The following RNF217 variants were observed in gnomAD, a reference collection of about 807,000 sequenced individuals.
RNF217 encodes the protein ring finger protein 217.
A neutral mutation model predicts 57.8 loss-of-function variants in RNF217; 31 were observed. That is an observed-to-expected ratio of 0.54 (90% CI 0.40 to 0.72). The LOEUF (loss-of-function observed/expected upper bound fraction) is 0.72, where lower values mean the gene tolerates loss of function less well. Ranked by LOEUF, RNF217 falls within the 30% of genes least tolerant of loss-of-function variation. RNF217 has a pLI of 0.00. For synonymous variants in RNF217, 313 were observed against 294.0 expected (o/e 1.06, Z -0.66); for missense variants, 696 against 708.3 (o/e 0.98, Z 0.20).
In RNF217 at chr6:125,092,073, A is replaced by G. The variant is rs1788970923; in HGVS notation, c.*9136A>G. 1 of 151,964 alleles carries G rather than the reference A, an allele frequency of 6.6e-6. No individual in the cohort carries two copies. Among genetic ancestry groups the G allele is most frequent in the African/African-American group, 2.4e-5 (1 of 41,416 alleles). 9.4% of individuals were successfully genotyped at this position (151,964 alleles called of 1,614,324 possible). ...GTTATGTGTAAATATTTGACAAAGAAAAAAAAAGGAAAAGAATCTTCCTGC... is the reference window on the plus strand; with the variant it reads ...GTTATGTGTAAATATTTGACAAAGAGAAAAAAAGGAAAAGAATCTTCCTGC... On this transcript the variant is annotated 3_prime_UTR_variant, in exon 6 of 6. Transcript: ENST00000521654.
chr6:125,020,164 C>T (rs186974622), intron 1 of RNF217, among the ~76,000 whole-genome samples: 51 of 152,300 alleles, frequency 3.3e-4, no homozygotes, highest in African/African-American at 1.1e-3. Flanking sequence ...CGCAGACACC[C>T]GCTGGCTTGG....
chr6:125,001,831 C>T (rs560323251), intron 1 of RNF217, among the ~76,000 whole-genome samples: 1 of 152,182 alleles, frequency 6.6e-6, no homozygotes, highest in African/African-American at 2.4e-5. Context: ...TGGAATGATT[C>T]AAAGCAAAGA....
intron 1 of RNF217, chr6:125,009,287 A>G (rs1007700236): frequency 4.4e-6 from 7 of 1,585,736 alleles, no homozygotes; most frequent in Non-Finnish European, 6.1e-6. Flanking sequence ...ATGAAGGTAA[A>G]GTACATAGAT....
chr6:125,031,555 A>G lies in RNF217; in HGVS notation c.883-13656A>G, dbSNP rs186147666. 7.8e-3 allele frequency among the ~76,000 whole-genome samples: 1,188 copies of G among 152,302 alleles called. 12 individuals are homozygous for G. Among genetic ancestry groups the G allele is most frequent in the Non-Finnish European group, 0.011 (718 of 68,028 alleles). ...TTTCAGTTCCACAAATCTCTAGGGC[A>G]GGGGCAAAAAGCTGCCAGTTTCTTC... is the stretch of plus-strand genomic sequence containing the variant. On this transcript the variant is annotated intron_variant, in intron 1 of 5. Transcript: ENST00000521654.
chr6:125,060,399 C>G (rs2114594406), intron 3 of RNF217, among the ~76,000 whole-genome samples: 1 of 151,872 alleles, frequency 6.6e-6, no homozygotes, highest in East Asian at 1.9e-4. Context: ...TTGTACCCTA[C>G]TATAGGTATA....
intron 1 of RNF217, among the ~76,000 whole-genome samples, chr6:125,029,872 G>T (rs542922539): frequency 6.8e-4 from 103 of 152,314 alleles, no homozygotes; most frequent in South Asian, 6.4e-3. Context: ...GCACTGTGTA[G>T]GGTGGGATTC....
chr6:125,047,233 T>C (rs1787130919), intron 2 of RNF217, among the ~76,000 whole-genome samples: 1 of 152,004 alleles, frequency 6.6e-6, no homozygotes, highest in Admixed American at 6.6e-5. Flanking sequence ...ATGTACAAAA[T>C]TGAATTAGAG....
chr6:124,982,509 G>T (rs912967271), intron 1 of RNF217, among the ~76,000 whole-genome samples: 2 of 151,848 alleles, frequency 1.3e-5, no homozygotes, highest in East Asian at 3.9e-4. Context: ...GGAAAATTCT[G>T]TAGTCTAATC....
At chr6:125,051,051 G>A (rs184844884) in intron 2 of RNF217, among the ~76,000 whole-genome samples, 10 of 151,876 alleles carry the variant, frequency 6.6e-5, no homozygotes, top group African/African-American at 2.2e-4. Context: ...AGTTACTAAT[G>A]GAGTGTTTTG....
At chr6:124,968,397 C>T (rs1008716237) in intron 1 of RNF217, among the ~76,000 whole-genome samples, 5 of 151,962 alleles carry the variant, frequency 3.3e-5, no homozygotes, top group Non-Finnish European at 7.4e-5. Context: ...TCATGCCTTA[C>T]TCATTCCATT....
intron 3 of RNF217, among the ~76,000 whole-genome samples, chr6:125,065,847 A>G (rs1485240321): frequency 6.6e-6 from 1 of 152,186 alleles, no homozygotes; most frequent in Non-Finnish European, 1.5e-5. Context: ...CAAATCGTAA[A>G]GTTTTGGGGA....
intron 1 of RNF217, among the ~76,000 whole-genome samples, chr6:125,034,272 T>C (rs996129515): frequency 6.6e-6 from 1 of 152,216 alleles, no homozygotes; most frequent in East Asian, 1.9e-4. Context: ...TCTTTGCCCA[T>C]GCCTATGTCC....
rs1436300090 is a variant in RNF217 at position 125,083,219 on chromosome 6, A to G, written c.*282A>G. 4.0e-6 allele frequency: 1 copy of G among 253,050 alleles called. No individual in the cohort carries two copies. Among genetic ancestry groups the G allele is most frequent in the Non-Finnish European group, 7.4e-6 (1 of 134,990 alleles). The allele number at this position is 253,050 out of a possible 1,614,324, so 15.7% of individuals were successfully genotyped here. A position where few individuals can be genotyped will look rare whatever the true frequency, so the allele number is the denominator to read the frequency against. On this transcript the variant is annotated 3_prime_UTR_variant, in exon 6 of 6. Transcript: ENST00000521654. ...TGACCTTTGTGGTTCTTGGAAGAAG[A>G]TATTTTAAGAACCAGTTATCCTAAG...
chr6:124,964,466 T>C (rs897298192), intron 1 of RNF217, among the ~76,000 whole-genome samples: 2 of 152,170 alleles, frequency 1.3e-5, no homozygotes, highest in Non-Finnish European at 2.9e-5. Context: ...GGTAGCTTCA[T>C]GTTGAGTCCC....
chr6:125,053,149 ACG>A (rs1787391002), intron 2 of RNF217, among the ~76,000 whole-genome samples: 1 of 152,024 alleles, frequency 6.6e-6, no homozygotes, highest in Non-Finnish European at 1.5e-5. Flanking sequence ...TTCTCTCTGA[ACG>A]CTTATGTTCC....
At chr6:125,021,347 A>G (rs554960450) in intron 1 of RNF217, among the ~76,000 whole-genome samples, 1 of 151,238 alleles carries the variant, frequency 6.6e-6, no homozygotes, top group South Asian at 2.1e-4. Flanking sequence ...GCTCACTGCA[A>G]CCTGTACCTC....
chr6:125,054,121 G>A (rs180832792), intron 2 of RNF217, among the ~76,000 whole-genome samples: 31 of 152,192 alleles, frequency 2.0e-4, no homozygotes, highest in African/African-American at 7.2e-4. Context: ...GAACTTGTGG[G>A]CTGTTGGAGA....
intron 1 of RNF217, among the ~76,000 whole-genome samples, chr6:125,033,462 G>T (rs548084509): frequency 1.4e-5 from 2 of 148,102 alleles, no homozygotes; most frequent in African/African-American, 5.0e-5. Context: ...TTTTGTCCTT[G>T]TGATAGTTTA....
At chr6:125,020,999 T>G (rs1316495158) in intron 1 of RNF217, among the ~76,000 whole-genome samples, 1 of 152,172 alleles carries the variant, frequency 6.6e-6, no homozygotes, top group African/African-American at 2.4e-5. Flanking sequence ...GGAACGTAAA[T>G]AAACATGGCT....
Sources: allele counts gnomAD v4.1 joint callset (sites outside exome capture counted in the v4.1 genomes callset), GRCh38; gene constraint gnomAD v4.1.1; transcripts MANE v1.5; gene names NCBI Gene and HGNC (gene_info 2026-07-23, HGNC 2026-07-21).